HMGB1: variants seen among roughly 807,000 people sequenced by gnomAD.
HMGB1 encodes the protein high mobility group box 1.
For synonymous variants in HMGB1, 81 were observed against 84.0 expected (o/e 0.96, Z 0.19); for missense variants, 79 against 253.5 (o/e 0.31, Z 4.67).
chr13:30,583,366 C>G (rs1870988348), intron 1 of HMGB1, among the ~76,000 whole-genome samples: 1 of 151,702 alleles, frequency 6.6e-6, no homozygotes, highest in South Asian at 2.1e-4. Context: ...AACTACATCT[C>G]TACAAAAAAT....
intron 1 of HMGB1, among the ~76,000 whole-genome samples, chr13:30,614,251 T>C (rs1160720867): frequency 6.6e-6 from 1 of 152,216 alleles, no homozygotes; most frequent in African/African-American, 2.4e-5. Flanking sequence ...GTGTTACCTA[T>C]GAACAAAATG....
intron 1 of HMGB1, among the ~76,000 whole-genome samples, chr13:30,497,759 T>A (rs755293856): frequency 6.6e-6 from 1 of 152,170 alleles, no homozygotes; most frequent in Non-Finnish European, 1.5e-5. Flanking sequence ...TCCAGCTCTA[T>A]CCATCTTGCT....
chr13:30,606,500 G>A (rs1431471709), intron 1 of HMGB1, among the ~76,000 whole-genome samples: 1 of 152,106 alleles, frequency 6.6e-6, no homozygotes, highest in African/African-American at 2.4e-5. Flanking sequence ...CATTTGGAAA[G>A]CAAAATGAAT....
At chr13:30,566,580 T>C (rs1471168017) in intron 1 of HMGB1, among the ~76,000 whole-genome samples, 1 of 152,250 alleles carries the variant, frequency 6.6e-6, no homozygotes, top group Admixed American at 6.5e-5. Context: ...GTAGGCCATA[T>C]AGAAACAGGC....
intron 1 of HMGB1, among the ~76,000 whole-genome samples, chr13:30,606,404 C>T (rs1950458986): frequency 6.6e-6 from 1 of 152,138 alleles, no homozygotes; most frequent in African/African-American, 2.4e-5. Context: ...AAACTACTAC[C>T]ATCTCTCATT....
chr13:30,495,938 C>T (rs993140954), intron 1 of HMGB1, among the ~76,000 whole-genome samples: 1 of 152,188 alleles, frequency 6.6e-6, no homozygotes, highest in Non-Finnish European at 1.5e-5. Context: ...CTTATCAAAA[C>T]AGGATGCCTA....
chr13:30,525,540 T>C (rs1188544881), intron 1 of HMGB1, among the ~76,000 whole-genome samples: 1 of 152,188 alleles, frequency 6.6e-6, no homozygotes, highest in Admixed American at 6.5e-5. Context: ...ATGTTTTTGA[T>C]AACAAGAATA....
intron 1 of HMGB1, among the ~76,000 whole-genome samples, chr13:30,538,514 TCTTTCTTTC>T (rs1351964666): frequency 5.7e-4 from 79 of 138,836 alleles, no homozygotes; most frequent in African/African-American, 2.1e-3. Context: ...TTCTTTCCTT[TCTTTCTTTC>T]CTTTCTTTCT....
At chr13:30,538,489 TCTTTCTTTCTTTCTTTCTTTC>T (rs1868579240) in intron 1 of HMGB1, among the ~76,000 whole-genome samples, 1 of 50,398 alleles carries the variant, frequency 2.0e-5, no homozygotes, top group Admixed American at 2.6e-4. Context: ...TTTCTTTCTT[TCTTTCTTTCTTTCTTTCTTTC>T]CTTTCTTTCT....
chr13:30,503,085 C>G (rs1593278815), intron 1 of HMGB1, among the ~76,000 whole-genome samples: 1 of 152,034 alleles, frequency 6.6e-6, no homozygotes, highest in African/African-American at 2.4e-5. Flanking sequence ...CACCTGTAAT[C>G]CCAGCACTTT....
At chr13:30,592,143 T>A (rs569950803) in intron 1 of HMGB1, among the ~76,000 whole-genome samples, 1 of 150,016 alleles carries the variant, frequency 6.7e-6, no homozygotes, top group Non-Finnish European at 1.5e-5. Context: ...TCAATACTTG[T>A]CAATATAGAA....
intron 1 of HMGB1, among the ~76,000 whole-genome samples, chr13:30,537,283 T>A (rs924332093): frequency 6.6e-6 from 1 of 152,084 alleles, no homozygotes; most frequent in African/African-American, 2.4e-5. Context: ...CTCCTCTCTA[T>A]CCCCATAAAT....
chr13:30,481,532 A>C (rs1402087133), intron 1 of HMGB1, among the ~76,000 whole-genome samples: 6 of 152,260 alleles, frequency 3.9e-5, no homozygotes, highest in Non-Finnish European at 8.8e-5. Flanking sequence ...ACAGGACCCA[A>C]GGCGGAGGCC....
intron 1 of HMGB1, among the ~76,000 whole-genome samples, chr13:30,498,025 A>C (rs1366800949): frequency 1.3e-5 from 2 of 152,166 alleles, no homozygotes; most frequent in East Asian, 3.8e-4. Flanking sequence ...TTCTTTGAGG[A>C]ATCGCCAAAC....
chr13:30,505,669 T>A (rs757922295), intron 1 of HMGB1, among the ~76,000 whole-genome samples: 4 of 152,108 alleles, frequency 2.6e-5, no homozygotes, highest in African/African-American at 7.2e-5. Context: ...AAACCCCCTG[T>A]ACCCGTTATT....
In HMGB1 at chr13:30,465,813, G is replaced by A. The variant is rs979272992; in HGVS notation, c.-32C>T. The A allele has an allele frequency of 2.0e-6, 2 of 985,566 alleles. No homozygotes were observed. Among genetic ancestry groups the A allele is most frequent in the Non-Finnish European group, 2.4e-6 (2 of 829,792 alleles). The allele number at this position is 985,566 out of a possible 1,614,324, so 61.1% of individuals were successfully genotyped here. On this transcript the variant is annotated 5_prime_UTR_variant, in exon 1 of 5. Coordinates refer to ENST00000341423, the MANE Select transcript of HMGB1 (RefSeq NM_002128.7). ...AGACTCACCCTCAGCGAGGCACAGA[G>A]TCGCCCAGTGCCCGTCCGGCTCTCA...
At chr13:30,512,072 G>A (rs963850147) in intron 1 of HMGB1, among the ~76,000 whole-genome samples, 3 of 152,046 alleles carry the variant, frequency 2.0e-5, no homozygotes, top group African/African-American at 4.8e-5. Flanking sequence ...CTAGCACTTG[G>A]GGAGGCTGAG....
chr13:30,507,412 A>T (rs1213445492), intron 1 of HMGB1, among the ~76,000 whole-genome samples: 1 of 152,144 alleles, frequency 6.6e-6, no homozygotes, highest in East Asian at 1.9e-4. Context: ...CTATTACTCC[A>T]TCCACCCCTC....
rs866400420 is a variant in HMGB1, at chr13:30,505,202, G to A, written c.-14-41508C>T. ...GTTGTTGTTGTTATTGTTTGAGACG[G>A]AGTCTTGCCCTTGTCACCCAGGCTG... On this transcript the variant is annotated intron_variant, in intron 1 of 4. Coordinates refer to the HMGB1 transcript ENST00000405805. Among the ~76,000 whole-genome samples the A allele has an allele frequency of 4.0e-5, 6 of 149,556 alleles. No homozygotes were observed. In the South Asian group the frequency reaches 1.3e-3, roughly 32 times the overall value.
Sources: gnomAD v4.1 joint callset for allele counts (sites outside exome capture counted in the v4.1 genomes callset) on GRCh38, gnomAD v4.1.1 for gene constraint, MANE v1.5 for transcripts, NCBI Gene and HGNC (gene_info 2026-07-23, HGNC 2026-07-21) for gene names.